The following ATXN7L1 variants were observed in gnomAD, a reference collection of about 807,000 sequenced individuals.
ATXN7L1 encodes the protein ataxin 7 like 1.
Under a neutral mutation model 70.8 loss-of-function variants are expected in ATXN7L1, and 15 were observed. The ratio of observed to expected loss-of-function variants is 0.21; its 90% confidence interval spans 0.14 to 0.33. The LOEUF (loss-of-function observed/expected upper bound fraction) is 0.33, where lower values mean the gene tolerates loss of function less well. Ranked by LOEUF, ATXN7L1 falls within the 10% of genes least tolerant of loss-of-function variation. The pLI, the probability that ATXN7L1 is intolerant of heterozygous loss-of-function variation, is 1.00. For synonymous variants in ATXN7L1, 440 were observed against 445.1 expected (o/e 0.99, Z 0.14); for missense variants, 975 against 1,097.1 (o/e 0.89, Z 1.57).
At chr7:105,737,528 CGTGTGTGTGTGTGTG>C (rs1461852033) in intron 3 of ATXN7L1, among the ~76,000 whole-genome samples, 2 of 148,616 alleles carry the variant, frequency 1.3e-5, no homozygotes, top group African/African-American at 4.9e-5. Context: ...CTAACGTCCC[CGTGTGTGTGTGTGTG>C]TGTGTGTGTG....
At chr7:105,716,695 ACACACACACAC>A (rs1164960790) in intron 3 of ATXN7L1, among the ~76,000 whole-genome samples, 2 of 83,590 alleles carry the variant, frequency 2.4e-5, no homozygotes, top group African/African-American at 8.9e-5. Flanking sequence ...ACACACACAC[ACACACACACAC>A]ACACACACAC....
rs531652629 is a variant in ATXN7L1 at position 105,778,192 on chromosome 7, A to G, written c.355+10412T>C. 2.0e-5 allele frequency among the ~76,000 whole-genome samples: 3 copies of G among 152,236 alleles called. No homozygotes were observed. The South Asian group carries it at 6.2e-4, about 32-fold the overall frequency. ...AGAAATAGGCTTTGATGAGATAATA[A>G]GTAGAAGATTGTTTCAATTAAAAAT... On this transcript the variant is annotated intron_variant, in intron 3 of 11. Coordinates refer to ENST00000419735, the MANE Select transcript of ATXN7L1 (RefSeq NM_020725.2).
chr7:105,697,293 A>G (rs1791853920), intron 3 of ATXN7L1, among the ~76,000 whole-genome samples: 1 of 152,230 alleles, frequency 6.6e-6, no homozygotes, highest in Non-Finnish European at 1.5e-5. Context: ...AATCTCGACC[A>G]TAAGAGACAG....
Position 105,766,944 on chromosome 7 carries a change from G to A in ATXN7L1, c.355+21660C>T, listed in dbSNP as rs575851548. 1.1e-4 allele frequency among the ~76,000 whole-genome samples: 16 copies of A among 152,322 alleles called. No homozygotes were observed. The South Asian group carries it at 3.1e-3, about 30-fold the overall frequency. On this transcript the variant is annotated intron_variant, in intron 3 of 11. Coordinates refer to ENST00000419735, the MANE Select transcript of ATXN7L1 (RefSeq NM_020725.2). ...TCCTTTCACCAGTGGATTCAAAGAC[G>A]CTTGCTCTGAAAGCCCGAAATTCAG... is the stretch of plus-strand genomic sequence containing the variant.
At chr7:105,863,023 TG>T (rs1196653835) in intron 2 of ATXN7L1, among the ~76,000 whole-genome samples, 3 of 152,158 alleles carry the variant, frequency 2.0e-5, no homozygotes, top group Non-Finnish European at 4.4e-5. Flanking sequence ...ACCTCTAATG[TG>T]GCAGTATTGA....
At chr7:105,724,814 T>C (rs12705322) in intron 3 of ATXN7L1, among the ~76,000 whole-genome samples, 54,544 of 150,002 alleles carry the variant, frequency 0.36, 11,078 homozygotes, top group African/African-American at 0.52. Flanking sequence ...CCTTCTCTTA[T>C]TCTCTTTTTT....
intron 2 of ATXN7L1, chr7:105,819,798 G>A (rs966820809): frequency 3.1e-6 from 2 of 654,368 alleles, no homozygotes; most frequent in Non-Finnish European, 5.8e-6. Flanking sequence ...AGCGCCTCAA[G>A]GTGTTTGACG....
At chr7:105,798,340 A>C (rs1008200497) in intron 2 of ATXN7L1, among the ~76,000 whole-genome samples, 6 of 152,058 alleles carry the variant, frequency 3.9e-5, no homozygotes, top group African/African-American at 1.4e-4. Flanking sequence ...CCCATTTTCT[A>C]CTTCCTGACT....
chr7:105,792,122 C>G (rs1805338092), intron 2 of ATXN7L1, among the ~76,000 whole-genome samples: 1 of 152,198 alleles, frequency 6.6e-6, no homozygotes, highest in South Asian at 2.1e-4. Context: ...TCACACACAT[C>G]TGTTATGTCA....
chr7:105,699,182 G>C (rs755321526), intron 3 of ATXN7L1, among the ~76,000 whole-genome samples: 1 of 151,744 alleles, frequency 6.6e-6, no homozygotes, highest in Admixed American at 6.6e-5. Context: ...ACCCAGGTTG[G>C]AGCACAGTTG....
intron 2 of ATXN7L1, among the ~76,000 whole-genome samples, chr7:105,826,576 T>C (rs1810901685): frequency 1.3e-5 from 2 of 152,292 alleles, no homozygotes; most frequent in South Asian, 4.1e-4. Flanking sequence ...GGGAGTCTTG[T>C]GATTTGCCAG....
intron 3 of ATXN7L1, among the ~76,000 whole-genome samples, chr7:105,732,945 G>C (rs1796742739): frequency 1.3e-5 from 2 of 152,010 alleles, no homozygotes; most frequent in Admixed American, 1.3e-4. Context: ...AATTCTTTTG[G>C]GTCTCTGCTC....
rs748225125 is a variant in ATXN7L1 at position 105,876,563 on chromosome 7, G to C, written c.-5C>G. On this transcript the variant is annotated 5_prime_UTR_variant, in exon 1 of 12. Transcript: ENST00000419735. ...TCGAGAACGCTCCGACGTCATCTTC[G>C]GAACGTTCCGACATTGAGTGTTCTG... is the stretch of plus-strand genomic sequence containing the variant. 7.1e-6 allele frequency: 10 copies of C among 1,412,094 alleles called. No individual in the cohort carries two copies. The Admixed American group carries it at 7.5e-5, about 11-fold the overall frequency. The allele number at this position is 1,412,094 out of a possible 1,614,324, so 87.5% of individuals were successfully genotyped here. A position where few individuals can be genotyped will look rare whatever the true frequency, so the allele number is the denominator to read the frequency against.
At chr7:105,872,852 A>G (rs1306046943) in intron 2 of ATXN7L1, among the ~76,000 whole-genome samples, 2 of 152,112 alleles carry the variant, frequency 1.3e-5, no homozygotes, top group Non-Finnish European at 2.9e-5. Flanking sequence ...AAAAAAAAAA[A>G]ACATCAAAAT....
intron 3 of ATXN7L1, among the ~76,000 whole-genome samples, chr7:105,675,600 G>C (rs1408031975): frequency 2.0e-5 from 3 of 151,772 alleles, no homozygotes; most frequent in Non-Finnish European, 4.4e-5. Context: ...ACTCTAGCCT[G>C]GTGACAGAAT....
At chr7:105,755,249 C>A (rs1211546872) in intron 3 of ATXN7L1, among the ~76,000 whole-genome samples, 2 of 152,156 alleles carry the variant, frequency 1.3e-5, no homozygotes, top group African/African-American at 4.8e-5. Flanking sequence ...GATACCCCAG[C>A]TGGAGGGATG....
At chr7:105,677,779 G>A (rs1327719859) in intron 3 of ATXN7L1, among the ~76,000 whole-genome samples, 1 of 152,132 alleles carries the variant, frequency 6.6e-6, no homozygotes, top group Non-Finnish European at 1.5e-5. Flanking sequence ...GAATCCTATG[G>A]GAGCACACTG....
rs1376292848 is a variant in ATXN7L1 at position 105,624,662 on chromosome 7, A to AAAAC, written c.1203-396_1203-395insGTTT. 2.0e-5 allele frequency among the ~76,000 whole-genome samples: 3 copies of AAAAC among 151,482 alleles called. No homozygotes were observed. The East Asian group carries it at 5.8e-4, about 29-fold the overall frequency. On this transcript the variant is annotated intron_variant, in intron 7 of 11. Transcript: ENST00000419735. ...AAGACTCTGTCTCAAAAAAAAAAAA[A>AAAAC]AAAACAGCCTGATTAGCCTTGCCAG...
chr7:105,868,625 C>G (rs1817820560), intron 2 of ATXN7L1, among the ~76,000 whole-genome samples: 1 of 151,762 alleles, frequency 6.6e-6, no homozygotes, highest in African/African-American at 2.4e-5. Context: ...ATATATGTAT[C>G]TACTTGAATG....
Sources: allele counts gnomAD v4.1 joint callset (sites outside exome capture counted in the v4.1 genomes callset), GRCh38; gene constraint gnomAD v4.1.1; transcripts MANE v1.5; gene names NCBI Gene and HGNC (gene_info 2026-07-23, HGNC 2026-07-21).